ARID4B: variants seen among roughly 807,000 people sequenced by gnomAD.
ARID4B encodes the protein AT-rich interactive domain-containing protein 4B.
ARID4B carries 26 observed loss-of-function variants against 147.5 expected under a neutral mutation model. The ratio of observed to expected loss-of-function variants is 0.18; its 90% confidence interval spans 0.13 to 0.24. The LOEUF is 0.24. ARID4B is among the 10% of genes least tolerant of loss of function. The pLI is 1.00. For missense variants in ARID4B, 1,179 were observed against 1,511.5 expected (o/e 0.78, Z 3.65); for synonymous variants, 512 against 507.9 (o/e 1.01, Z -0.11).
intron 16 of ARID4B, among the ~76,000 whole-genome samples, chr1:235,217,300 T>C (rs1667155012): frequency 6.6e-6 from 1 of 152,146 alleles, no homozygotes; most frequent in African/African-American, 2.4e-5. Context: ...AAGACTAATG[T>C]GCTAAACCAG....
intron 3 of ARID4B, among the ~76,000 whole-genome samples, chr1:235,258,022 A>G (rs1458200382): frequency 1.3e-5 from 2 of 152,034 alleles, no homozygotes; most frequent in Non-Finnish European, 2.9e-5. Context: ...GACTGTTCCC[A>G]TTTTGTTGAT....
chr1:235,170,922 A>AAAAG (rs1558162046), intron 23 of ARID4B, among the ~76,000 whole-genome samples: 1 of 150,748 alleles, frequency 6.6e-6, no homozygotes, highest in African/African-American at 2.4e-5. Flanking sequence ...AAAAAAAAAA[A>AAAAG]AAAAAAAAAA....
rs773518994 is a variant in ARID4B at position 235,229,267 on chromosome 1, A to G, written c.861T>C (p.Asp287=). The change falls in exon 11 of 24, where the codon GAT becomes GAC. Residue 287 remains aspartate, a synonymous_variant. Coordinates refer to ENST00000264183, the MANE Select transcript of ARID4B (RefSeq NM_016374.6). ...EAEEEEEEED[D]EKEKEDNSSE... is the part of the protein sequence containing the mutation. ...TGCTATTATCCTCCTTTTCTTTTTC[A>G]TCATCTTCCTCCTCCTCTTCTTCCT... 1 of 1,612,166 alleles carries G rather than the reference A, an allele frequency of 6.2e-7. No individual in the cohort carries two copies.
rs913681201 is a variant in ARID4B at position 235,167,448 on chromosome 1, T to C, written c.*1077A>G. The C allele has an allele frequency of 4.5e-6, 1 of 222,262 alleles. No homozygotes were observed. The highest frequency in any genetic ancestry group is 9.0e-6 in the Non-Finnish European group (1 of 110,990). The allele number at this position is 222,262 out of a possible 1,614,324, so 13.8% of individuals were successfully genotyped here. ...TCATACAACATAAAGTCAATACAAG[T>C]GAAAACAATTTTGCATTCATTTTGG... On this transcript the variant is annotated 3_prime_UTR_variant, in exon 24 of 24. Coordinates refer to ENST00000264183, the MANE Select transcript of ARID4B (RefSeq NM_016374.6).
At chr1:235,221,744 T>A (rs189040804) in intron 13 of ARID4B, 82 bp from the exon 14 acceptor site, 1 of 558,990 alleles carries the variant, frequency 1.8e-6, no homozygotes, top group Non-Finnish European at 3.0e-6. Context: ...TATATATGAG[T>A]ATATTTTTAT....
At chr1:235,261,118 C>T (rs1420890852) in intron 2 of ARID4B, among the ~76,000 whole-genome samples, 1 of 152,036 alleles carries the variant, frequency 6.6e-6, no homozygotes, top group Admixed American at 6.6e-5. Flanking sequence ...ATCTTTAAAG[C>T]TCAAATTCTG....
intron 9 of ARID4B, 76 bp downstream of exon 9, chr1:235,234,337 A>G: frequency 1.1e-6 from 1 of 918,108 alleles, no homozygotes; most frequent in Admixed American, 2.4e-5. Flanking sequence ...TAACTAATTA[A>G]TCATTTAACA....
At chr1:235,305,280 C>G (rs1572201884) in intron 2 of ARID4B, among the ~76,000 whole-genome samples, 1 of 152,108 alleles carries the variant, frequency 6.6e-6, no homozygotes, top group Admixed American at 6.6e-5. Context: ...ACCAATTCTC[C>G]CCTAGAGCCT....
At chr1:235,295,980 A>G (rs1229910603) in intron 2 of ARID4B, 1 of 154,200 alleles carries the variant, frequency 6.5e-6, no homozygotes, top group Non-Finnish European at 1.4e-5. Context: ...CCACACAAAA[A>G]AGAGAAGATC....
intron 2 of ARID4B, among the ~76,000 whole-genome samples, chr1:235,314,453 A>T (rs1037270146): frequency 3.9e-5 from 6 of 152,226 alleles, no homozygotes; most frequent in African/African-American, 1.4e-4. Context: ...CCCAAACCTC[A>T]GCAGCCAAGT....
At chr1:235,298,383 A>C (rs1476233683) in intron 2 of ARID4B, among the ~76,000 whole-genome samples, 2 of 151,854 alleles carry the variant, frequency 1.3e-5, no homozygotes, top group Non-Finnish European at 2.9e-5. Flanking sequence ...TAACACCACT[A>C]ATTTTCCAAA....
At chr1:235,246,318 T>C (rs924462956) in intron 7 of ARID4B, 102 bp downstream of exon 7, 3 of 894,692 alleles carry the variant, frequency 3.4e-6, no homozygotes, top group Non-Finnish European at 5.3e-6. Flanking sequence ...TACTATTAGA[T>C]CTGGTTAGCA....
At chr1:235,173,130 G>A (rs1305379867) in intron 22 of ARID4B, among the ~76,000 whole-genome samples, 2 of 151,808 alleles carry the variant, frequency 1.3e-5, no homozygotes, top group Non-Finnish European at 2.9e-5. Flanking sequence ...CGGATCACGA[G>A]GTCAGGAGTT....
intron 6 of ARID4B, among the ~76,000 whole-genome samples, chr1:235,250,892 T>C (rs919254576): frequency 2.0e-5 from 3 of 152,158 alleles, no homozygotes; most frequent in Non-Finnish European, 2.9e-5. Context: ...AAAAATAATA[T>C]TTTGGCTATT....
Position 235,194,160 on chromosome 1 carries a change from A to C in ARID4B, c.1978T>G (p.Cys660Gly), listed in dbSNP as rs768094392. The C allele has an allele frequency of 6.2e-7, 1 of 1,613,124 alleles. No homozygotes were observed. The highest frequency in any genetic ancestry group is 8.5e-7 in the Non-Finnish European group (1 of 1,179,248). The change falls in exon 19 of 24, where the codon TGT becomes GGT. Residue 660 changes from cysteine (C) to glycine (G), a missense_variant. Coordinates refer to ENST00000264183, the MANE Select transcript of ARID4B (RefSeq NM_016374.6). ...GGTTTGGACAAGCGCCGAAGTTTAC[A>C]GTTTTTTGGAGAGTATTTTTCATCT... ...DKDEKYSPKN[C>G]KLRRLSKPPF... is the part of the protein sequence containing the mutation.
chr1:235,314,145 A>G (rs1005784197), intron 2 of ARID4B, among the ~76,000 whole-genome samples: 1 of 148,384 alleles, frequency 6.7e-6, no homozygotes, highest in Non-Finnish European at 1.5e-5. Flanking sequence ...GTCTTCTTGG[A>G]AAGTTTAAGA....
chr1:235,178,024 T>C, intron 20 of ARID4B, 111 bp from the exon 21 acceptor site: 1 of 548,882 alleles, frequency 1.8e-6, no homozygotes, highest in Non-Finnish European at 3.1e-6. Flanking sequence ...ATGTTCTTTA[T>C]GACATTTATA....
chr1:235,236,868 T>A (rs1179845314), intron 8 of ARID4B, among the ~76,000 whole-genome samples: 151 of 35,760 alleles, frequency 4.2e-3, no homozygotes, highest in African/African-American at 1.0e-2. Flanking sequence ...ATATATTTTT[T>A]TTTTTTTTTT....
intron 7 of ARID4B, among the ~76,000 whole-genome samples, chr1:235,243,638 A>C (rs1006268187): frequency 1.3e-5 from 2 of 152,156 alleles, no homozygotes; most frequent in African/African-American, 2.4e-5. Flanking sequence ...ACTTTAGACA[A>C]GATATGGGCC....
Sources: allele counts gnomAD v4.1 joint callset (sites outside exome capture counted in the v4.1 genomes callset), GRCh38; gene constraint gnomAD v4.1.1; transcripts MANE v1.5; gene names NCBI Gene and HGNC (gene_info 2026-07-23, HGNC 2026-07-21).